Variants in ZSWIM4 observed in about 807,000 individuals in gnomAD.
ZSWIM4 encodes the protein zinc finger SWIM domain-containing protein 4.
A neutral mutation model predicts 102.5 loss-of-function variants in ZSWIM4; 62 were observed. That is an observed-to-expected ratio of 0.60 (90% CI 0.49 to 0.75). ZSWIM4 has a LOEUF of 0.75. Among genes scored for constraint, ZSWIM4 ranks in the 30% least tolerant of loss-of-function variants. The pLI is 0.00. For synonymous variants in ZSWIM4, 652 were observed against 674.5 expected, an observed-to-expected ratio of 0.97 and a Z score of 0.52; for missense variants, 1,280 against 1,529.6, an observed-to-expected ratio of 0.84 and a Z score of 2.72.
At chr19:13,824,099 G>A (rs139556816) in intron 11 of ZSWIM4, among the ~76,000 whole-genome samples, 6 of 151,244 alleles carry the variant, frequency 4.0e-5, no homozygotes, top group African/African-American at 1.5e-4. Flanking sequence ...GATAGTAGGG[G>A]GGGATAGAGA....
intron 9 of ZSWIM4, 128 bp from the exon 10 acceptor site, chr19:13,819,227 ACC>A: frequency 1.6e-6 from 2 of 1,270,664 alleles, no homozygotes; most frequent in Non-Finnish European, 2.1e-6. Flanking sequence ...TACCCCAGAG[ACC>A]CATCTAGCCA....
At chr19:13,803,062 C>A (rs1407317636) in intron 2 of ZSWIM4, among the ~76,000 whole-genome samples, 3 of 152,230 alleles carry the variant, frequency 2.0e-5, no homozygotes, top group Non-Finnish European at 1.5e-5. Context: ...CCTGGGACTC[C>A]AGACCTCTGG....
rs755482882 is a variant in ZSWIM4, at chr19:13,830,919, G to T, written c.3190G>T (p.Gly1064Cys). 4 of 1,614,212 alleles carry T rather than the reference G, an allele frequency of 2.5e-6. No homozygotes were observed. The highest frequency in any genetic ancestry group is 2.2e-5 in the South Asian group (2 of 91,082). The change falls in exon 14 of 14, where the codon GGC becomes TGC. Residue 1064 changes from glycine (G) to cysteine (C), a missense_variant. Gly to Cys is a radical substitution (Grantham distance 159, BLOSUM62 -3). Transcript: ENST00000590508. ...RHYGDFIEFL[G>C]KARETFLLAP... ...CTATGGGGATTTCATCGAATTCCTGGGCAAGGCCCGGGAGACCTTCCTGCT... is the reference window on the plus strand; with the variant it reads ...CTATGGGGATTTCATCGAATTCCTGTGCAAGGCCCGGGAGACCTTCCTGCT...
intron 2 of ZSWIM4, among the ~76,000 whole-genome samples, chr19:13,801,106 G>A (rs1000998127): frequency 4.7e-5 from 7 of 150,486 alleles, no homozygotes; most frequent in East Asian, 1.9e-4. Context: ...TTGCACCACC[G>A]TACTCCAGCC....
At position 13,825,047 on chromosome 19, in the gene ZSWIM4, T is replaced by TTC. The variant is rs202215743; in HGVS notation, c.2216-502_2216-501insCT. Among the ~76,000 whole-genome samples, 25 of 65,742 alleles carry TTC rather than the reference T, an allele frequency of 3.8e-4. No homozygotes were observed. The highest frequency in any genetic ancestry group is 5.9e-4 in the African/African-American group (6 of 10,140). 43.1% of individuals were successfully genotyped at this position (65,742 alleles called of 152,430 possible). A position where few individuals can be genotyped will look rare whatever the true frequency, so the allele number is the denominator to read the frequency against. On this transcript the variant is annotated intron_variant, in intron 11 of 13. Coordinates refer to ENST00000590508, the MANE Select transcript of ZSWIM4 (RefSeq NM_001367834.3). This position sits in a 1 kb window ranked among gnomAD's most constrained non-coding sequence, Gnocchi z 4.6. ...ATCCCTAGGTGGCTTTTCTTTTCTT[T>TTC]TTTTTTTTTTTGAGATGGATATTAC...
chr19:13,820,392 C>T (rs1318301134), intron 10 of ZSWIM4, among the ~76,000 whole-genome samples: 1 of 151,866 alleles, frequency 6.6e-6, no homozygotes, highest in East Asian at 1.9e-4. Context: ...TGCACCACCG[C>T]ACTGGGCTAA....
chr19:13,828,779 A>C, intron 13 of ZSWIM4, 53 bp downstream of exon 13: 4 of 1,547,900 alleles, frequency 2.6e-6, no homozygotes, highest in Non-Finnish European at 3.6e-6. Flanking sequence ...GGTTCTGCAG[A>C]GCGCACTGAG....
rs887201118 is a variant in ZSWIM4, at chr19:13,795,548, G to C, written c.-101G>C. ...GGGCGGCCGAGCGCAGAGGACGGAC[G>C]GGAAGGAGGGCAGGGGGCGCGGGAG... On this transcript the variant is annotated 5_prime_UTR_variant, in exon 1 of 14. Transcript: ENST00000590508. 2.9e-4 allele frequency: 62 copies of C among 213,656 alleles called. No homozygotes were observed. The highest frequency in any genetic ancestry group is 3.5e-4 in the Non-Finnish European group (39 of 110,064). The allele number at this position is 213,656 out of a possible 1,614,324, so 13.2% of individuals were successfully genotyped here.
chr19:13,829,892 G>A (rs1975710710), intron 13 of ZSWIM4, among the ~76,000 whole-genome samples: 1 of 152,180 alleles, frequency 6.6e-6, no homozygotes, highest in Non-Finnish European at 1.5e-5. Flanking sequence ...CCTGTGCTCA[G>A]GGCTTGGCCG....
rs1975519632 is a variant in ZSWIM4 at position 13,823,389 on chromosome 19, C to G, written c.2104C>G (p.Pro702Ala). The G allele has an allele frequency of 6.2e-7, 1 of 1,613,908 alleles. No homozygotes were observed. Among genetic ancestry groups the G allele is most frequent in the Admixed American group, 1.7e-5 (1 of 59,966 alleles). ...ETAFPAGEPH[P>A]SPLDSIMSNR... ...AGCATTTCCTGCTGGAGAACCTCAT[C>G]CCAGCCCGCTGGACTCCATCATGAG... The change falls in exon 11 of 14, where the codon CCC (proline) becomes GCC (alanine). Residue 702 changes from proline to alanine, a missense_variant. Transcript: ENST00000590508.
chr19:13,819,159 A>C (rs140969040), intron 9 of ZSWIM4, among the ~76,000 whole-genome samples, 198 bp from the exon 10 acceptor site: 14 of 152,132 alleles, frequency 9.2e-5, no homozygotes, highest in African/African-American at 2.2e-4. Flanking sequence ...CCACCGCGCC[A>C]GGCCTCCTCT....
chr19:13,830,861 C>G lies in ZSWIM4; in HGVS notation c.3132C>G (p.Ser1044Arg). The G allele has an allele frequency of 6.2e-7, 1 of 1,613,568 alleles. No individual in the cohort carries two copies. Among genetic ancestry groups the G allele is most frequent in the Non-Finnish European group, 8.5e-7 (1 of 1,179,672 alleles). Residue 1044 changes from serine (S) to arginine (R), a missense_variant, in exon 14 of 14, where the codon AGC (serine) becomes AGG (arginine). Physicochemically the swap from Ser to Arg is moderately radical, Grantham distance 110 (BLOSUM62 -1). Transcript: ENST00000590508. ...CAGTCACCGCCTACATCACCACCAG[C>G]CACTCGCGCCTCACGCACATCAGCC... ...DAAVTAYITT[S>R]HSRLTHISPR...
chr19:13,798,420 T>G (rs1194693585), intron 1 of ZSWIM4, among the ~76,000 whole-genome samples: 1 of 152,106 alleles, frequency 6.6e-6, no homozygotes, highest in East Asian at 1.9e-4. Flanking sequence ...AGTGCTGAGA[T>G]TACAGGTGTC....
At chr19:13,816,073 A>C (rs1975278436) in intron 7 of ZSWIM4, among the ~76,000 whole-genome samples, 1 of 150,454 alleles carries the variant, frequency 6.6e-6, no homozygotes, top group African/African-American at 2.4e-5. Flanking sequence ...GGAGGGAGGG[A>C]AGGAGGCTGT....
intron 2 of ZSWIM4, 141 bp downstream of exon 2, chr19:13,800,062 A>C: frequency 1.9e-6 from 1 of 517,662 alleles, no homozygotes; most frequent in Non-Finnish European, 2.9e-6. Flanking sequence ...AGGATTGTAC[A>C]AGATTTTTTT....
intron 8 of ZSWIM4, 113 bp from the exon 9 acceptor site, chr19:13,817,609 G>A (rs1054825815): frequency 2.3e-6 from 3 of 1,326,802 alleles, no homozygotes; most frequent in Non-Finnish European, 3.1e-6. Flanking sequence ...GGGAGCTTCT[G>A]GGCTCCCTCT....
At chr19:13,812,563 C>T (rs1051188512) in intron 5 of ZSWIM4, among the ~76,000 whole-genome samples, 1 of 151,322 alleles carries the variant, frequency 6.6e-6, no homozygotes, top group African/African-American at 2.4e-5. Flanking sequence ...GGGTTCGAGC[C>T]ATTCTCCTGC....
At position 13,825,877 on chromosome 19, in the gene ZSWIM4, C is replaced by T. The variant is rs898341844; in HGVS notation, c.2379+164C>T. 6.6e-6 allele frequency among the ~76,000 whole-genome samples: 1 copy of T among 152,220 alleles called. No homozygotes were observed. The highest frequency in any genetic ancestry group is 1.5e-5 in the Non-Finnish European group (1 of 68,036). On this transcript the variant is annotated intron_variant, in intron 12 of 13. Coordinates refer to ENST00000590508, the MANE Select transcript of ZSWIM4 (RefSeq NM_001367834.3). This position sits in a 1 kb window ranked among gnomAD's most constrained non-coding sequence, Gnocchi z 4.6. Reference sequence around the variant, plus strand: ...GGCTGGGGACTGAGCGAGAACCACTCTTGGGGCGGGGACTGTGAGTGAGAC... The same window carrying T: ...GGCTGGGGACTGAGCGAGAACCACTTTTGGGGCGGGGACTGTGAGTGAGAC...
intron 11 of ZSWIM4, among the ~76,000 whole-genome samples, chr19:13,824,333 G>C (rs146820483): frequency 6.6e-6 from 1 of 151,724 alleles, no homozygotes; most frequent in Admixed American, 6.6e-5. Context: ...AGGCTGAGGC[G>C]GGCAAATCAC....
Sources: allele counts gnomAD v4.1 joint callset (sites outside exome capture counted in the v4.1 genomes callset), GRCh38; gene constraint gnomAD v4.1.1; non-coding constraint Gnocchi (gnomAD v3.1); transcripts MANE v1.5; gene names NCBI Gene and HGNC (gene_info 2026-07-23, HGNC 2026-07-21).